Variants in VPS50 observed in about 807,000 individuals in gnomAD.
The protein encoded by VPS50 is VPS50 subunit of EARP/GARPII complex, also known as syndetin.
A neutral mutation model predicts 139.7 loss-of-function variants in VPS50; 70 were observed. The observed-to-expected ratio is 0.50, with a 90% CI of 0.41 to 0.61. The LOEUF is 0.61. Ranked by LOEUF, VPS50 falls within the 20% of genes least tolerant of loss-of-function variation. The pLI is 0.00. For synonymous variants in VPS50, 365 were observed against 376.7 expected (o/e 0.97, Z 0.36); for missense variants, 921 against 1,133.7 (o/e 0.81, Z 2.69).
At chr7:93,263,040 T>G (rs1397743170) in intron 9 of VPS50, among the ~76,000 whole-genome samples, 1 of 150,896 alleles carries the variant, frequency 6.6e-6, no homozygotes, top group Non-Finnish European at 1.5e-5. Context: ...TTTTTTTTTG[T>G]TTTTTTTTCT....
Position 93,272,632 on chromosome 7 carries a change from T to C in VPS50, c.703-3T>C, listed in dbSNP as rs1016771966. 1 of 1,364,822 alleles carries C rather than the reference T, an allele frequency of 7.3e-7. No individual in the cohort carries two copies. Among genetic ancestry groups the C allele is most frequent in the Non-Finnish European group, 1.0e-6 (1 of 980,958 alleles). 84.5% of individuals were successfully genotyped at this position (1,364,822 alleles called of 1,614,324 possible). ...TGTCTTGCTTCTTCTTTTAATTATA[T>C]AGGAACAGCTGGACGTAGCTCTTTC... is the stretch of plus-strand genomic sequence containing the variant. On this transcript the variant is annotated splice_polypyrimidine_tract_variant and splice_region_variant and intron_variant, in intron 10 of 27. Transcript: ENST00000305866.
At chr7:93,304,114 C>CT (rs1057476387) in intron 17 of VPS50, among the ~76,000 whole-genome samples, 1 of 151,768 alleles carries the variant, frequency 6.6e-6, no homozygotes, top group African/African-American at 2.4e-5. Flanking sequence ...TTGAAAAAGT[C>CT]TTTAATTGGT....
chr7:93,279,312 CTTAT>C (rs538763013), intron 12 of VPS50, among the ~76,000 whole-genome samples: 8 of 152,020 alleles, frequency 5.3e-5, no homozygotes, highest in Non-Finnish European at 1.2e-4. Context: ...TCTAGTTCTG[CTTAT>C]TTATTACCTA....
chr7:93,279,398 G>C (rs17165238), intron 12 of VPS50, among the ~76,000 whole-genome samples: 6,500 of 152,214 alleles, frequency 0.043, 337 homozygotes, highest in African/African-American at 0.12. Context: ...GGAGAGGAAA[G>C]ATAGAGGAGC....
intron 12 of VPS50, among the ~76,000 whole-genome samples, chr7:93,287,249 T>G (rs914005335): frequency 6.6e-5 from 10 of 152,074 alleles, no homozygotes; most frequent in Non-Finnish European, 1.0e-4. Context: ...GCTAGATCTC[T>G]GGATTATTTA....
chr7:93,305,479 T>C (rs1472823858), intron 17 of VPS50, among the ~76,000 whole-genome samples: 2 of 151,928 alleles, frequency 1.3e-5, no homozygotes, highest in African/African-American at 4.8e-5. Context: ...TAAATGACTT[T>C]ATTGATTAGG....
At chr7:93,284,950 G>A (rs1291167813) in intron 12 of VPS50, among the ~76,000 whole-genome samples, 1 of 152,180 alleles carries the variant, frequency 6.6e-6, no homozygotes, top group African/African-American at 2.4e-5. Flanking sequence ...AGATATTGGA[G>A]TAATTAAATA....
chr7:93,292,792 A>G (rs571287822), intron 13 of VPS50, among the ~76,000 whole-genome samples: 1 of 152,232 alleles, frequency 6.6e-6, no homozygotes, highest in South Asian at 2.1e-4. Context: ...AATAAGAGGA[A>G]AATTCCATGA....
intron 20 of VPS50, among the ~76,000 whole-genome samples, chr7:93,321,623 A>C (rs746289973): frequency 2.6e-5 from 4 of 152,124 alleles, no homozygotes; most frequent in Non-Finnish European, 4.4e-5. Flanking sequence ...CTTATGTTTG[A>C]ATTTTCTTTT....
chr7:93,297,244 G>A lies in VPS50; in HGVS notation c.1361+1G>A, dbSNP rs1157958323. On this transcript the variant is annotated splice_donor_variant, in intron 16 of 27. Transcript: ENST00000305866. LOFTEE classifies it high-confidence loss of function. ...TCAATTATTTCAAGAATTACCATAGGTAAGAACTCTAATAAGATATGAATC... is the reference window on the plus strand; with the variant it reads ...TCAATTATTTCAAGAATTACCATAGATAAGAACTCTAATAAGATATGAATC... The A allele has an allele frequency of 6.5e-7, 1 of 1,540,328 alleles. No homozygotes were observed. The highest frequency in any genetic ancestry group is 8.6e-7 in the Non-Finnish European group (1 of 1,156,474).
intron 22 of VPS50, among the ~76,000 whole-genome samples, chr7:93,338,403 A>G (rs577262075): frequency 1.3e-5 from 2 of 152,260 alleles, no homozygotes; most frequent in South Asian, 4.1e-4. Context: ...GTGTAATTTT[A>G]TTTGGGCAGT....
chr7:93,292,659 T>C (rs1796684363), intron 13 of VPS50, among the ~76,000 whole-genome samples: 1 of 152,272 alleles, frequency 6.6e-6, no homozygotes, highest in Admixed American at 6.6e-5. Flanking sequence ...GCTTATTTTC[T>C]GTTGTTGGGT....
intron 23 of VPS50, 80 bp from the exon 24 acceptor site, chr7:93,348,631 A>AAAAAAT (rs1798470321): frequency 3.1e-6 from 3 of 975,872 alleles, no homozygotes; most frequent in Admixed American, 2.1e-5. Flanking sequence ...CAGAAATGTT[A>AAAAAAT]AAAAATACTT....
At chr7:93,244,186 C>T (rs1196359628) in intron 2 of VPS50, among the ~76,000 whole-genome samples, 1 of 151,666 alleles carries the variant, frequency 6.6e-6, no homozygotes. Flanking sequence ...TATACTTCAT[C>T]CATTCAACAA....
chr7:93,245,060 G>T (rs934128222), intron 2 of VPS50, among the ~76,000 whole-genome samples: 3 of 151,786 alleles, frequency 2.0e-5, no homozygotes, highest in Non-Finnish European at 4.4e-5. Context: ...CAACCTGAGT[G>T]GGGGAGACAA....
chr7:93,345,809 G>A (rs1389317687), intron 23 of VPS50, among the ~76,000 whole-genome samples: 2 of 152,116 alleles, frequency 1.3e-5, no homozygotes, highest in Non-Finnish European at 2.9e-5. Flanking sequence ...AATAAATTAG[G>A]TATTGATGGG....
chr7:93,322,688 T>G (rs938242492), intron 20 of VPS50, among the ~76,000 whole-genome samples: 7 of 152,166 alleles, frequency 4.6e-5, no homozygotes, highest in African/African-American at 7.2e-5. Flanking sequence ...ATTGGCTTAT[T>G]TGGAAATTAA....
chr7:93,255,372 A>C (rs1178680232), intron 4 of VPS50, among the ~76,000 whole-genome samples: 1 of 152,058 alleles, frequency 6.6e-6, no homozygotes, highest in East Asian at 1.9e-4. Flanking sequence ...CTCTTATGAG[A>C]ATCTAATGCC....
intron 19 of VPS50, 42 bp from the exon 20 acceptor site, chr7:93,311,124 C>T (rs1418931132): frequency 4.7e-6 from 4 of 857,824 alleles, no homozygotes; most frequent in East Asian, 2.4e-5. Context: ...TGGTTTATTA[C>T]TTGACAACTC....
Sources: gnomAD v4.1 joint callset for allele counts (sites outside exome capture counted in the v4.1 genomes callset) on GRCh38, gnomAD v4.1.1 for gene constraint, MANE v1.5 for transcripts, NCBI Gene and HGNC (gene_info 2026-07-23, HGNC 2026-07-21) for gene names.